Variants in RFX3 observed in about 807,000 individuals in gnomAD.
RFX3 encodes the protein regulatory factor X3.
Under a neutral mutation model 98.6 loss-of-function variants are expected in RFX3, and 14 were observed. That is an observed-to-expected ratio of 0.14 (90% confidence interval 0.09 to 0.22). The LOEUF is 0.22. Ranked by LOEUF, RFX3 falls within the 10% of genes least tolerant of loss-of-function variation. RFX3 has a pLI of 1.00. For missense variants in RFX3, 639 were observed against 926.9 expected, an observed-to-expected ratio of 0.69 and a Z score of 4.03; for synonymous variants, 383 against 328.4, an observed-to-expected ratio of 1.17 and a Z score of -1.80.
At chr9:3,345,487 A>T (rs1464387927) in intron 3 of RFX3, among the ~76,000 whole-genome samples, 1 of 152,176 alleles carries the variant, frequency 6.6e-6, no homozygotes, top group Non-Finnish European at 1.5e-5. Context: ...TAGTAAGAAA[A>T]GAAAGAAGCC....
chr9:3,418,632 G>C (rs905193141), intron 1 of RFX3, among the ~76,000 whole-genome samples: 1 of 152,090 alleles, frequency 6.6e-6, no homozygotes, highest in Non-Finnish European at 1.5e-5. Flanking sequence ...CGTCTGCCTT[G>C]GCCTCCCAAA....
At chr9:3,328,558 A>C (rs763693972) in intron 4 of RFX3, among the ~76,000 whole-genome samples, 1 of 152,156 alleles carries the variant, frequency 6.6e-6, no homozygotes, top group African/African-American at 2.4e-5. Context: ...AATACACATA[A>C]GAAATGCTTC....
intron 1 of RFX3, among the ~76,000 whole-genome samples, chr9:3,408,882 T>C (rs546583714): frequency 4.1e-4 from 63 of 152,324 alleles, no homozygotes; most frequent in South Asian, 1.9e-3. Flanking sequence ...ACGATAAAAC[T>C]AGGTCTACTT....
At chr9:3,425,400 CTT>C (rs1307262000) in intron 1 of RFX3, among the ~76,000 whole-genome samples, 1 of 152,184 alleles carries the variant, frequency 6.6e-6, no homozygotes, top group African/African-American at 2.4e-5. Context: ...GCCTGCATTA[CTT>C]TTATGATTTG....
chr9:3,421,343 C>T (rs953937092), intron 1 of RFX3, among the ~76,000 whole-genome samples: 2 of 152,140 alleles, frequency 1.3e-5, no homozygotes, highest in African/African-American at 4.8e-5. Flanking sequence ...AACTGTTAGG[C>T]AGCATTACTT....
At chr9:3,507,956 T>C (rs1817268787) in intron 1 of RFX3, among the ~76,000 whole-genome samples, 1 of 151,898 alleles carries the variant, frequency 6.6e-6, no homozygotes, top group Non-Finnish European at 1.5e-5. Flanking sequence ...CATGAGACTA[T>C]AAGCTTCCTA....
intron 1 of RFX3, among the ~76,000 whole-genome samples, chr9:3,477,514 A>C (rs1363298938): frequency 6.6e-6 from 1 of 152,166 alleles, no homozygotes; most frequent in Non-Finnish European, 1.5e-5. Context: ...TCTAGCCTCC[A>C]GGGTTTCTCG....
chr9:3,275,280 A>C (rs1048099218), intron 9 of RFX3, among the ~76,000 whole-genome samples: 2 of 152,146 alleles, frequency 1.3e-5, no homozygotes, highest in Non-Finnish European at 2.9e-5. Context: ...GGATAGGCTT[A>C]AGAAATAGAG....
At chr9:3,258,092 T>C (rs939940989) in intron 13 of RFX3, among the ~76,000 whole-genome samples, 1 of 152,150 alleles carries the variant, frequency 6.6e-6, no homozygotes, top group Admixed American at 6.6e-5. Flanking sequence ...TGAGAAGACA[T>C]AGGTGTTAGG....
chr9:3,389,598 G>T (rs1316987006), intron 2 of RFX3, among the ~76,000 whole-genome samples: 3 of 151,964 alleles, frequency 2.0e-5, no homozygotes, highest in Admixed American at 6.6e-5. Context: ...ATGCTGAAAT[G>T]CTCCAAAATT....
chr9:3,237,888 G>A (rs1377596285), intron 15 of RFX3, among the ~76,000 whole-genome samples: 3 of 151,420 alleles, frequency 2.0e-5, no homozygotes, highest in South Asian at 2.1e-4. Flanking sequence ...ACTATCCCAC[G>A]CCTGAGCCCA....
chr9:3,442,025 C>A (rs537010373), intron 1 of RFX3, among the ~76,000 whole-genome samples: 1 of 152,092 alleles, frequency 6.6e-6, no homozygotes, highest in Non-Finnish European at 1.5e-5. Context: ...CATGGTGAAA[C>A]CCTGTCTCTA....
chr9:3,501,048 C>A (rs1815945433), intron 1 of RFX3, among the ~76,000 whole-genome samples: 3 of 152,122 alleles, frequency 2.0e-5, no homozygotes, highest in African/African-American at 4.8e-5. Context: ...CTCCTCAAGG[C>A]TACAAAGCTT....
At chr9:3,270,812 A>G in intron 10 of RFX3, 191 bp downstream of exon 10, 1 of 746,510 alleles carries the variant, frequency 1.3e-6, no homozygotes, top group East Asian at 2.7e-5. Flanking sequence ...AATCAGTACA[A>G]ATGGGAGCTA....
At chr9:3,452,963 C>A (rs1318212102) in intron 1 of RFX3, among the ~76,000 whole-genome samples, 1 of 152,142 alleles carries the variant, frequency 6.6e-6, no homozygotes, top group East Asian at 1.9e-4. Flanking sequence ...CCATAGCAGT[C>A]TTGGAATCAA....
intron 1 of RFX3, among the ~76,000 whole-genome samples, chr9:3,471,151 G>C (rs1264584885): frequency 6.6e-6 from 1 of 151,906 alleles, no homozygotes; most frequent in African/African-American, 2.4e-5. Context: ...CAATTCTAAA[G>C]GCAAATCTGT....
chr9:3,303,847 T>A (rs1828961968), intron 4 of RFX3, among the ~76,000 whole-genome samples: 1 of 152,006 alleles, frequency 6.6e-6, no homozygotes, highest in Non-Finnish European at 1.5e-5. Context: ...TACACTGACA[T>A]TCTAGAATGC....
chr9:3,316,615 A>C (rs1830626646), intron 4 of RFX3, among the ~76,000 whole-genome samples: 1 of 152,242 alleles, frequency 6.6e-6, no homozygotes, highest in African/African-American at 2.4e-5. Context: ...ATGATTGTAT[A>C]TTTAGAAAAC....
At chr9:3,253,656 C>G (rs1042821774) in intron 14 of RFX3, among the ~76,000 whole-genome samples, 2 of 152,126 alleles carry the variant, frequency 1.3e-5, no homozygotes, top group Admixed American at 6.5e-5. Flanking sequence ...GCTGTATCAA[C>G]TGCTATTATG....
Sources: gnomAD v4.1 joint callset for allele counts (sites outside exome capture counted in the v4.1 genomes callset) on GRCh38, gnomAD v4.1.1 for gene constraint, MANE v1.5 for transcripts, NCBI Gene and HGNC (gene_info 2026-07-23, HGNC 2026-07-21) for gene names.